Variants in TMEM132D observed in about 807,000 individuals in gnomAD.
TMEM132D encodes mature OL transmembrane protein.
TMEM132D carries 21 observed loss-of-function variants against 62.3 expected under a neutral mutation model. The ratio of observed to expected loss-of-function variants is 0.34; its 90% CI spans 0.24 to 0.49. TMEM132D has a LOEUF of 0.49. Among genes scored for constraint, TMEM132D ranks in the 20% least tolerant of loss-of-function variants. TMEM132D has a pLI of 0.99. For synonymous variants in TMEM132D, 621 were observed against 575.6 expected (o/e 1.08, Z -1.13); for missense variants, 1,346 against 1,402.8 (o/e 0.96, Z 0.65).
intron 2 of TMEM132D, among the ~76,000 whole-genome samples, chr12:129,634,165 A>T (rs1438663651): frequency 6.6e-6 from 1 of 152,120 alleles, no homozygotes; most frequent in East Asian, 1.9e-4. Context: ...CCCGGCACAC[A>T]CACTGGGTAC....
At chr12:129,131,328 C>T (rs1398725098) in intron 5 of TMEM132D, among the ~76,000 whole-genome samples, 1 of 152,122 alleles carries the variant, frequency 6.6e-6, no homozygotes, top group East Asian at 1.9e-4. Flanking sequence ...ATTATCCGGC[C>T]AGGTATAGTA....
intron 4 of TMEM132D, among the ~76,000 whole-genome samples, chr12:129,227,609 T>A (rs1195717459): frequency 6.8e-6 from 1 of 147,940 alleles, no homozygotes; most frequent in Non-Finnish European, 1.5e-5. Context: ...ATATATATAT[T>A]TTATTATACT....
At chr12:129,795,985 C>G (rs910070661) in intron 1 of TMEM132D, among the ~76,000 whole-genome samples, 1 of 151,976 alleles carries the variant, frequency 6.6e-6, no homozygotes, top group Non-Finnish European at 1.5e-5. Context: ...CCTTTTTTCC[C>G]ATGTTCCATT....
chr12:129,270,696 T>G (rs888479400), intron 4 of TMEM132D, among the ~76,000 whole-genome samples: 4 of 152,162 alleles, frequency 2.6e-5, no homozygotes, highest in Non-Finnish European at 5.9e-5. Flanking sequence ...ATCAGGCAGC[T>G]TGCAGTTCAA....
chr12:129,081,033 G>A (rs1300655036), intron 7 of TMEM132D, among the ~76,000 whole-genome samples: 4 of 152,154 alleles, frequency 2.6e-5, no homozygotes, highest in Non-Finnish European at 5.9e-5. Context: ...GGTAGGGGCG[G>A]CCACAATATC....
In TMEM132D at chr12:129,277,172, A is replaced by G. The variant is rs138679119; in HGVS notation, c.1299+60462T>C. Among the ~76,000 whole-genome samples, 631 of 152,326 alleles carry G rather than the reference A, an allele frequency of 4.1e-3. 8 individuals are homozygous for G. The highest frequency in any genetic ancestry group is 0.014 in the African/African-American group (586 of 41,580). ...AGAACAGTGGGTGTGTGGAGAACAA[A>G]AACTATGGAAACAAGCCTGGCTTTT... On this transcript the variant is annotated intron_variant, in intron 4 of 8. Coordinates refer to ENST00000422113, the MANE Select transcript of TMEM132D (RefSeq NM_133448.3). This position sits in a 1 kb window ranked among gnomAD's most constrained non-coding sequence, Gnocchi z 4.2.
At chr12:129,378,850 G>A (rs974795799) in intron 3 of TMEM132D, among the ~76,000 whole-genome samples, 3 of 152,110 alleles carry the variant, frequency 2.0e-5, no homozygotes, top group African/African-American at 7.2e-5. Flanking sequence ...GGCCGTTGAC[G>A]GTGTAAATTT....
chr12:129,611,045 T>C (rs1197790695), intron 2 of TMEM132D, among the ~76,000 whole-genome samples: 2 of 152,226 alleles, frequency 1.3e-5, no homozygotes, highest in African/African-American at 2.4e-5. Context: ...AAAAAATCTA[T>C]GGCAGAATTC....
rs540357220 is a variant in TMEM132D, at chr12:129,316,594, G to A, written c.1299+21040C>T. Among the ~76,000 whole-genome samples, 6 of 152,244 alleles carry A rather than the reference G, an allele frequency of 3.9e-5. No individual in the cohort carries two copies. The East Asian group carries it at 5.8e-4, about 15-fold the overall frequency. On this transcript the variant is annotated intron_variant, in intron 4 of 8. Coordinates refer to ENST00000422113, the MANE Select transcript of TMEM132D (RefSeq NM_133448.3). The stretch of plus-strand genomic sequence containing the variant: ...ATGTCTATCTTGGAGAAAGTTCCAT[G>A]CGCTGTTGAATAGAACGTGTTTTCT...
chr12:129,666,128 G>A (rs642244), intron 2 of TMEM132D, among the ~76,000 whole-genome samples: 115,671 of 152,042 alleles, frequency 0.76, 44,388 homozygotes, highest in East Asian at 0.85. Context: ...GATCTGGTAT[G>A]AAATGGCACC....
At chr12:129,640,263 T>C (rs1022574414) in intron 2 of TMEM132D, among the ~76,000 whole-genome samples, 2 of 152,132 alleles carry the variant, frequency 1.3e-5, no homozygotes, top group African/African-American at 4.8e-5. Context: ...TATTCAGCTC[T>C]GAGAGTTTAG....
chr12:129,634,735 T>C (rs1298527652), intron 2 of TMEM132D, among the ~76,000 whole-genome samples: 1 of 152,198 alleles, frequency 6.6e-6, no homozygotes, highest in African/African-American at 2.4e-5. Flanking sequence ...TGTTATTTTG[T>C]TTTATAGAAA....
chr12:129,247,331 C>T (rs1455675057), intron 4 of TMEM132D, among the ~76,000 whole-genome samples: 1 of 152,126 alleles, frequency 6.6e-6, no homozygotes, highest in Non-Finnish European at 1.5e-5. Context: ...GATCTGGTTC[C>T]AAAATGGTGC....
intron 5 of TMEM132D, among the ~76,000 whole-genome samples, chr12:129,124,589 T>C (rs1231403923): frequency 6.6e-6 from 1 of 152,214 alleles, no homozygotes; most frequent in Non-Finnish European, 1.5e-5. Context: ...CTTTTGTTTC[T>C]GGCTTCATTG....
chr12:129,796,101 G>A (rs1871553834), intron 1 of TMEM132D, among the ~76,000 whole-genome samples: 1 of 152,134 alleles, frequency 6.6e-6, no homozygotes, highest in South Asian at 2.1e-4. Context: ...TTGGGAGGCT[G>A]AGGAGGGTGG....
chr12:129,496,156 G>A (rs917069374), intron 3 of TMEM132D, among the ~76,000 whole-genome samples: 3 of 152,170 alleles, frequency 2.0e-5, no homozygotes, highest in Non-Finnish European at 4.4e-5. Flanking sequence ...ACTTTCTTGA[G>A]TGAGTTTATT....
At position 129,885,559 on chromosome 12, in the gene TMEM132D, T is replaced by C. The variant is rs143678121; in HGVS notation, c.79+17702A>G. Among the ~76,000 whole-genome samples the C allele has an allele frequency of 3.7e-4, 57 of 152,360 alleles. 2 individuals are homozygous for C. The highest frequency in any genetic ancestry group is 1.3e-3 in the African/African-American group (54 of 41,586). On this transcript the variant is annotated intron_variant, in intron 1 of 8. Transcript: ENST00000422113. ...TGCAAAACTCTAGAAATGATTCTAA[T>C]GTGTACCCAAGGCTGAGAACCACTC... is the stretch of plus-strand genomic sequence containing the variant.
At chr12:129,536,847 C>T (rs1876404345) in intron 2 of TMEM132D, among the ~76,000 whole-genome samples, 1 of 152,064 alleles carries the variant, frequency 6.6e-6, no homozygotes, top group African/African-American at 2.4e-5. Context: ...TGTCATGCAC[C>T]CCTATCAGTA....
chr12:129,112,310 C>T (rs1290526348), intron 5 of TMEM132D, among the ~76,000 whole-genome samples: 1 of 152,162 alleles, frequency 6.6e-6, no homozygotes, highest in Non-Finnish European at 1.5e-5. Context: ...AGGGTTTACA[C>T]CCGTGCTGTC....
Sources: gnomAD v4.1 joint callset for allele counts (sites outside exome capture counted in the v4.1 genomes callset) on GRCh38, gnomAD v4.1.1 for gene constraint, Gnocchi (gnomAD v3.1) non-coding constraint, MANE v1.5 for transcripts, NCBI Gene and HGNC (gene_info 2026-07-23, HGNC 2026-07-21) for gene names.